TAFA2: variants seen among roughly 807,000 people sequenced by gnomAD.
The protein encoded by TAFA2 is TAFA chemokine like family member 2.
Under a neutral mutation model 18.8 loss-of-function variants are expected in TAFA2, and 7 were observed. The ratio of observed to expected loss-of-function variants is 0.37; its 90% CI spans 0.21 to 0.70. TAFA2 has a LOEUF of 0.70. Among genes scored for constraint, TAFA2 ranks in the 30% least tolerant of loss-of-function variants. The pLI, the probability that TAFA2 is intolerant of heterozygous loss-of-function variation, is 0.53. For synonymous variants in TAFA2, 60 were observed against 54.2 expected, an observed-to-expected ratio of 1.11 and a Z score of -0.47; for missense variants, 122 against 158.1, an observed-to-expected ratio of 0.77 and a Z score of 1.23.
chr12:62,188,941 A>T (rs1169945922), intron 1 of TAFA2, among the ~76,000 whole-genome samples: 1 of 152,176 alleles, frequency 6.6e-6, no homozygotes, highest in Non-Finnish European at 1.5e-5. Flanking sequence ...AGGCAACTCA[A>T]TGAATCTTCA....
intron 2 of TAFA2, among the ~76,000 whole-genome samples, chr12:61,802,587 T>C (rs957052178): frequency 6.6e-6 from 1 of 151,860 alleles, no homozygotes; most frequent in Admixed American, 6.6e-5. Context: ...AGAACTGTGG[T>C]TATCAAGAGA....
chr12:62,233,244 C>T (rs1307611346), intron 1 of TAFA2, among the ~76,000 whole-genome samples: 1 of 151,666 alleles, frequency 6.6e-6, no homozygotes, highest in African/African-American at 2.4e-5. Context: ...ACATGCCCGG[C>T]TAATTTTTGT....
At chr12:62,097,220 T>C (rs546154396) in intron 1 of TAFA2, among the ~76,000 whole-genome samples, 69 of 152,204 alleles carry the variant, frequency 4.5e-4, no homozygotes, top group South Asian at 3.7e-3. Context: ...AACAAACAAA[T>C]ATAGCATTAG....
chr12:61,932,508 C>T (rs910687755), intron 1 of TAFA2, among the ~76,000 whole-genome samples: 2 of 152,170 alleles, frequency 1.3e-5, no homozygotes, highest in African/African-American at 4.8e-5. Flanking sequence ...GGTGCTATCT[C>T]AGCTCACTGC....
intron 2 of TAFA2, among the ~76,000 whole-genome samples, chr12:61,855,497 G>T (rs781469478): frequency 2.0e-5 from 3 of 152,078 alleles, no homozygotes; most frequent in Non-Finnish European, 2.9e-5. Context: ...CAACAGGGGT[G>T]GGAGAAAGGA....
intron 1 of TAFA2, among the ~76,000 whole-genome samples, chr12:62,068,313 G>A (rs778809850): frequency 8.7e-4 from 133 of 152,148 alleles, no homozygotes; most frequent in Admixed American, 1.4e-3. Flanking sequence ...GGTGACTTTC[G>A]CTCTCTGTGA....
chr12:62,125,378 G>A (rs1470470204), intron 1 of TAFA2, among the ~76,000 whole-genome samples: 1 of 152,052 alleles, frequency 6.6e-6, no homozygotes, highest in Non-Finnish European at 1.5e-5. Context: ...CATGAAGCTG[G>A]CCCGGCTCTG....
chr12:61,740,323 G>A (rs1350435261), intron 4 of TAFA2, among the ~76,000 whole-genome samples: 27 of 151,948 alleles, frequency 1.8e-4, no homozygotes, highest in Admixed American at 1.5e-3. Context: ...ATCACACACC[G>A]GAGCCTGTCA....
chr12:61,732,435 T>A (rs1159897136), intron 4 of TAFA2, among the ~76,000 whole-genome samples: 2 of 152,112 alleles, frequency 1.3e-5, no homozygotes, highest in Non-Finnish European at 2.9e-5. Context: ...AAAGCAGACA[T>A]GGTCCTTGCT....
intron 1 of TAFA2, among the ~76,000 whole-genome samples, chr12:62,158,360 T>C (rs1014846637): frequency 6.6e-6 from 1 of 152,250 alleles, no homozygotes. Context: ...AAATAATATT[T>C]TGTTAAAACA....
intron 1 of TAFA2, among the ~76,000 whole-genome samples, chr12:62,118,158 C>T (rs1171931917): frequency 2.0e-5 from 3 of 152,072 alleles, no homozygotes; most frequent in Non-Finnish European, 4.4e-5. Flanking sequence ...TATTCCCTTG[C>T]TGTTGTACAC....
chr12:62,009,732 A>G (rs1880668346), intron 1 of TAFA2, among the ~76,000 whole-genome samples: 1 of 152,232 alleles, frequency 6.6e-6, no homozygotes, highest in African/African-American at 2.4e-5. Context: ...TTTGCAGATG[A>G]GGAAACCAAT....
intron 4 of TAFA2, among the ~76,000 whole-genome samples, chr12:61,714,184 T>C (rs940604338): frequency 2.6e-5 from 4 of 152,128 alleles, no homozygotes; most frequent in Non-Finnish European, 5.9e-5. Flanking sequence ...GGGAGAGAAA[T>C]GGCCCTATGA....
At chr12:62,127,299 A>G (rs997111880) in intron 1 of TAFA2, among the ~76,000 whole-genome samples, 2 of 151,806 alleles carry the variant, frequency 1.3e-5, no homozygotes, top group African/African-American at 4.8e-5. Flanking sequence ...ATTCAATTGC[A>G]CCCCACCCAC....
At chr12:61,971,276 T>C (rs1011716502) in intron 1 of TAFA2, among the ~76,000 whole-genome samples, 2 of 151,656 alleles carry the variant, frequency 1.3e-5, no homozygotes, top group African/African-American at 4.8e-5. Flanking sequence ...TATACAATAC[T>C]CTTGAATCCA....
chr12:61,999,922 G>C (rs1024774824), intron 1 of TAFA2, among the ~76,000 whole-genome samples: 1 of 152,048 alleles, frequency 6.6e-6, no homozygotes, highest in African/African-American at 2.4e-5. Context: ...GCTCATATAG[G>C]TTCTTTTCCT....
intron 1 of TAFA2, among the ~76,000 whole-genome samples, 156 bp from the exon 2 acceptor site, chr12:61,867,582 C>T (rs547242162): frequency 6.6e-5 from 10 of 152,100 alleles, no homozygotes; most frequent in East Asian, 1.9e-4. Flanking sequence ...TGTATACAAA[C>T]GATGATCAGA....
At chr12:61,767,362 A>T (rs1177816699) in intron 2 of TAFA2, among the ~76,000 whole-genome samples, 1 of 152,114 alleles carries the variant, frequency 6.6e-6, no homozygotes, top group Non-Finnish European at 1.5e-5. Flanking sequence ...AATTTAGATG[A>T]AGAGAGGCAT....
chr12:61,731,898 A>T (rs2120655886), intron 4 of TAFA2, among the ~76,000 whole-genome samples: 1 of 152,198 alleles, frequency 6.6e-6, no homozygotes, highest in Middle Eastern at 3.4e-3. Flanking sequence ...CATTTAGCTA[A>T]TATTTATTGA....
Sources: allele counts gnomAD v4.1 joint callset (sites outside exome capture counted in the v4.1 genomes callset), GRCh38; gene constraint gnomAD v4.1.1; transcripts MANE v1.5; gene names NCBI Gene and HGNC (gene_info 2026-07-23, HGNC 2026-07-21).